TCFL5: variants seen among roughly 807,000 people sequenced by gnomAD.
TCFL5 encodes the protein transcription factor-like 5 protein.
A neutral mutation model predicts 44.3 loss-of-function variants in TCFL5; 9 were observed. The ratio of observed to expected loss-of-function variants is 0.20; its 90% confidence interval spans 0.12 to 0.35. The LOEUF (loss-of-function observed/expected upper bound fraction) is 0.35. Ranked by LOEUF, TCFL5 falls within the 10% of genes least tolerant of loss-of-function variation. The probability of loss-of-function intolerance (pLI) is 1.00; values close to 1 mark genes in which losing one functional copy is unlikely to be tolerated. For missense variants in TCFL5, 603 were observed against 613.4 expected, an observed-to-expected ratio of 0.98 and a Z score of 0.18; for synonymous variants, 319 against 271.6, an observed-to-expected ratio of 1.17 and a Z score of -1.72.
intron 3 of TCFL5, among the ~76,000 whole-genome samples, chr20:62,858,048 T>C (rs1047537370): frequency 5.9e-5 from 9 of 151,788 alleles, no homozygotes; most frequent in Non-Finnish European, 1.2e-4. Flanking sequence ...AAAAATATTT[T>C]CTTTATATAC....
intron 4 of TCFL5, among the ~76,000 whole-genome samples, chr20:62,854,801 T>C (rs1274383205): frequency 6.6e-6 from 1 of 152,248 alleles, no homozygotes; most frequent in Non-Finnish European, 1.5e-5. Flanking sequence ...GAGCAACTTA[T>C]TCAATATGGC....
intron 5 of TCFL5, chr20:62,844,948 CAG>C (rs1385762922): frequency 6.3e-5 from 62 of 984,964 alleles, no homozygotes; most frequent in Non-Finnish European, 6.7e-5. Flanking sequence ...AATTCAAGTC[CAG>C]GAGGACACAA....
intron 5 of TCFL5, chr20:62,845,788 G>C: frequency 6.2e-7 from 1 of 1,605,058 alleles, no homozygotes; most frequent in Non-Finnish European, 8.5e-7. Flanking sequence ...CTGGAGAATG[G>C]GGAAGGTGTG....
intron 3 of TCFL5, among the ~76,000 whole-genome samples, chr20:62,858,085 AC>A (rs2063923191): frequency 6.6e-6 from 1 of 152,016 alleles, no homozygotes; most frequent in African/African-American, 2.4e-5. Context: ...AGAAAAAAAA[AC>A]AATTATTCTA....
intron 5 of TCFL5, among the ~76,000 whole-genome samples, chr20:62,849,152 G>A (rs1279479241): frequency 4.0e-5 from 6 of 150,114 alleles, no homozygotes; most frequent in South Asian, 4.2e-4. Flanking sequence ...GCAACAGAGC[G>A]AGACGCCGTC....
At chr20:62,858,060 A>G (rs1470798243) in intron 3 of TCFL5, among the ~76,000 whole-genome samples, 1 of 152,156 alleles carries the variant, frequency 6.6e-6, no homozygotes, top group Non-Finnish European at 1.5e-5. Context: ...TTTATATACA[A>G]TTATTCTAAG....
At chr20:62,851,214 G>A (rs1288643370) in intron 5 of TCFL5, among the ~76,000 whole-genome samples, 6 of 151,984 alleles carry the variant, frequency 3.9e-5, no homozygotes, top group Admixed American at 2.0e-4. Flanking sequence ...CTAATTCCCC[G>A]AAAAAATTGT....
At chr20:62,853,777 T>C (rs1260251762) in intron 5 of TCFL5, among the ~76,000 whole-genome samples, 1 of 152,356 alleles carries the variant, frequency 6.6e-6, no homozygotes, top group Non-Finnish European at 1.5e-5. Context: ...ATTTGCTATC[T>C]GACAATTGCC....
chr20:62,856,492 CAGG>C (rs1449923180), intron 4 of TCFL5, among the ~76,000 whole-genome samples: 5 of 151,720 alleles, frequency 3.3e-5, no homozygotes, highest in East Asian at 1.9e-4. Flanking sequence ...ATCACGAGGT[CAGG>C]AGATCAAGAC....
intron 5 of TCFL5, among the ~76,000 whole-genome samples, chr20:62,849,121 C>T (rs960151985): frequency 6.6e-6 from 1 of 151,862 alleles, no homozygotes; most frequent in African/African-American, 2.4e-5. Context: ...GCTAAGATGA[C>T]ACCACTACAC....
rs760024799 is a variant in TCFL5 at position 62,857,515 on chromosome 20, T to A, written c.1118A>T (p.Gln373Leu). The change falls in exon 4 of 6, where the codon CAA becomes CTA. Residue 373 changes from glutamine (Q) to leucine (L), a missense_variant. Around this residue, in one of 4 missense-constraint regions of TCFL5, gnomAD observed 540 missense variants for 478.7 expected, o/e 1.13. Transcript: ENST00000335351. Reference protein sequence around the residue: ...QNVGEGATATQGAWQSSESSQ... With the variant: ...QNVGEGATATLGAWQSSESSQ... ...GGACTCCGAGGACTGCCAAGCGCCT[T>A]GTGTGGCGGTGGCACCTTCGCCCAC... The A allele has an allele frequency of 5.6e-6, 9 of 1,614,134 alleles. No individual in the cohort carries two copies. The highest frequency in any genetic ancestry group is 7.6e-6 in the Non-Finnish European group (9 of 1,180,056).
intron 4 of TCFL5, among the ~76,000 whole-genome samples, chr20:62,854,405 C>T (rs1322345705): frequency 1.3e-5 from 2 of 152,220 alleles, no homozygotes; most frequent in Non-Finnish European, 2.9e-5. Context: ...CCACAAGCTC[C>T]CTGGAGCTTT....
At chr20:62,849,684 C>T (rs1160477083) in intron 5 of TCFL5, among the ~76,000 whole-genome samples, 1 of 152,036 alleles carries the variant, frequency 6.6e-6, no homozygotes, top group Non-Finnish European at 1.5e-5. Context: ...ACTAGTCAGG[C>T]ATGGTGGCTC....
At chr20:62,859,283 C>T in intron 3 of TCFL5, 81 bp downstream of exon 3, 1 of 1,445,684 alleles carries the variant, frequency 6.9e-7, no homozygotes, top group Non-Finnish European at 9.4e-7. Flanking sequence ...TCTGTCTCCC[C>T]TGCCCCCCAA....
intron 5 of TCFL5, chr20:62,845,865 G>C (rs796109800): frequency 1.3e-6 from 2 of 1,577,960 alleles, no homozygotes; most frequent in Admixed American, 3.5e-5. Context: ...TGCGTGTGGA[G>C]AAACAGTGCC....
chr20:62,847,053 C>G (rs1356679063), intron 5 of TCFL5, among the ~76,000 whole-genome samples: 1 of 151,528 alleles, frequency 6.6e-6, no homozygotes. Context: ...GGTGGTGGCA[C>G]ATGCCTGTAA....
At position 62,861,478 on chromosome 20, in the gene TCFL5, T is replaced by C. The variant is rs2064008335; in HGVS notation, c.193A>G (p.Met65Val). The C allele has an allele frequency of 2.5e-6, 3 of 1,190,988 alleles. No individual in the cohort carries two copies. The South Asian group carries it at 8.4e-5, about 33-fold the overall frequency. 73.8% of individuals were successfully genotyped at this position (1,190,988 alleles called of 1,614,324 possible). ...TQLQHILCSHMEAAADGELET... is the reference protein window; with the variant it reads ...TQLQHILCSHVEAAADGELET... ...AGCTCGCCGTCAGCCGCCGCCTCCA[T>C]GTGCGAGCAGAGGATGTGCTGCAGC... Residue 65 changes from methionine to valine, a missense_variant, in exon 1 of 6, where the codon ATG becomes GTG. Coordinates refer to ENST00000335351, the MANE Select transcript of TCFL5 (RefSeq NM_006602.4). The surrounding 1 kb of genome is among the most constrained non-coding windows in gnomAD (Gnocchi z 4.0).
Position 62,857,415 on chromosome 20 carries a change from G to A in TCFL5, c.1218C>T (p.Asn406=), listed in dbSNP as rs147657278. 1.1e-5 allele frequency: 17 copies of A among 1,614,160 alleles called. No individual in the cohort carries two copies. The African/African-American group carries it at 1.2e-4, about 11-fold the overall frequency. Residue 406 remains asparagine, a synonymous_variant, in exon 4 of 6, where the codon AAC becomes AAT. Transcript: ENST00000335351. ...ATTACCTTCTATCTCTTTCCATTCG[G>A]TTATGCCTCTCCCTACGTTGAGACC... ...GGRSQRRERH[N]RMERDRRRRI... is the part of the protein sequence containing the mutation.
intron 4 of TCFL5, among the ~76,000 whole-genome samples, chr20:62,856,182 G>A (rs529946066): frequency 2.0e-5 from 3 of 148,992 alleles, no homozygotes; most frequent in East Asian, 2.0e-4. Flanking sequence ...CCTGGGAGGC[G>A]GAGGTTGCAG....
Sources: gnomAD v4.1 joint callset for allele counts (sites outside exome capture counted in the v4.1 genomes callset) on GRCh38, gnomAD v4.1.1 for gene constraint, gnomAD v4.1.1 regional missense constraint, Gnocchi (gnomAD v3.1) non-coding constraint, MANE v1.5 for transcripts, NCBI Gene and HGNC (gene_info 2026-07-23, HGNC 2026-07-21) for gene names.